The following ATAD2B variants were observed in gnomAD, a reference collection of about 807,000 sequenced individuals.
ATAD2B encodes ATPase family AAA domain containing 2B, also known as ATPase family AAA domain-containing protein 2B.
ATAD2B carries 40 observed loss-of-function variants against 167.6 expected under a neutral mutation model. The observed-to-expected ratio is 0.24, with a 90% CI of 0.19 to 0.31. The LOEUF (loss-of-function observed/expected upper bound fraction) is 0.31. Among genes scored for constraint, ATAD2B ranks in the 10% least tolerant of loss-of-function variants. The pLI, the probability that ATAD2B is intolerant of heterozygous loss-of-function variation, is 1.00. For missense variants in ATAD2B, 1,242 were observed against 1,757.2 expected (o/e 0.71, Z 5.24); for synonymous variants, 579 against 596.5 (o/e 0.97, Z 0.43).
the ATAD2B span, chr2:23,691,367 T>C: frequency 2.4e-6 from 1 of 419,128 alleles, no homozygotes; most frequent in Admixed American, 3.8e-5. Context: ...AACCGTATTG[T>C]TTCCCTTTGA....
chr2:23,769,597 A>G (rs913205452), intron 22 of ATAD2B, among the ~76,000 whole-genome samples: 2 of 152,042 alleles, frequency 1.3e-5, no homozygotes, highest in African/African-American at 4.8e-5. Context: ...GTTTCATTTT[A>G]CATTCCTACC....
Position 23,884,746 on chromosome 2 carries a change from CA to C in ATAD2B, c.784+18del. ...CTCCCACCTGAACTTTCTAGAATTCCAAAAAGTGCTTTACAAACCTTCTTCT... is the reference window on the plus strand; with the variant it reads ...CTCCCACCTGAACTTTCTAGAATTCCAAAAGTGCTTTACAAACCTTCTTCT... On this transcript the variant is annotated intron_variant, in intron 6 of 27. Transcript: ENST00000238789. 4 of 1,465,266 alleles carry C rather than the reference CA, an allele frequency of 2.7e-6. No individual in the cohort carries two copies. The highest frequency in any genetic ancestry group is 1.3e-5 in the South Asian group (1 of 76,970). The allele number at this position is 1,465,266 out of a possible 1,614,324, so 90.8% of individuals were successfully genotyped here. A position where few individuals can be genotyped will look rare whatever the true frequency, so the allele number is the denominator to read the frequency against.
intron 1 of ATAD2B, chr2:23,901,089 G>C (rs545186553): frequency 6.5e-6 from 1 of 153,990 alleles, no homozygotes; most frequent in African/African-American, 2.4e-5. Flanking sequence ...ACAAGACCAA[G>C]CAAATCCTCC....
At chr2:23,687,602 G>A in the ATAD2B span, among the ~76,000 whole-genome samples, 1 of 152,214 alleles carries the variant, frequency 6.6e-6, no homozygotes. Context: ...AAGGAGACGA[G>A]CAGAGACGAT....
chr2:23,731,813 G>A, the ATAD2B span, among the ~76,000 whole-genome samples: 1 of 151,902 alleles, frequency 6.6e-6, no homozygotes, highest in African/African-American at 2.4e-5. Context: ...CCACCTCTGT[G>A]AAAAATAAAA....
chr2:23,743,891 G>T (rs758086497), downstream of ATAD2B, among the ~76,000 whole-genome samples: 1 of 152,054 alleles, frequency 6.6e-6, no homozygotes, highest in Non-Finnish European at 1.5e-5. Context: ...CTCCCAAAAT[G>T]CTGGGAATAA....
At chr2:23,916,724 G>A (rs886453528) in intron 1 of ATAD2B, among the ~76,000 whole-genome samples, 5 of 152,134 alleles carry the variant, frequency 3.3e-5, no homozygotes, top group South Asian at 2.1e-4. Flanking sequence ...AGACAAGAAC[G>A]GGTATAAACT....
chr2:23,836,963 G>A (rs1690086570), intron 13 of ATAD2B, among the ~76,000 whole-genome samples: 1 of 152,118 alleles, frequency 6.6e-6, no homozygotes, highest in South Asian at 2.1e-4. Context: ...CCAACCTTCA[G>A]GCCCTCCCTA....
Position 23,822,842 on chromosome 2 carries a change from G to A in ATAD2B, c.2131+416C>T, listed in dbSNP as rs548825544. 6.6e-5 allele frequency among the ~76,000 whole-genome samples: 10 copies of A among 150,520 alleles called. No individual in the cohort carries two copies. The South Asian group carries it at 1.5e-3, about 22-fold the overall frequency. On this transcript the variant is annotated intron_variant, in intron 16 of 27. Coordinates refer to ENST00000238789, the MANE Select transcript of ATAD2B (RefSeq NM_017552.4). ...CTGAGGCAGGAGAATCGCTGTACCC[G>A]GGAGGCGGAGGTTGCAGTAAGCCAA...
chr2:23,699,812 C>G, the ATAD2B span, among the ~76,000 whole-genome samples: 1 of 152,198 alleles, frequency 6.6e-6, no homozygotes, highest in Admixed American at 6.5e-5. Flanking sequence ...TGCAAGGCAG[C>G]CTTTCTGGGT....
intron 22 of ATAD2B, among the ~76,000 whole-genome samples, chr2:23,773,462 C>T (rs1268380761): frequency 6.6e-6 from 1 of 152,088 alleles, no homozygotes; most frequent in East Asian, 1.9e-4. Context: ...ATGATGGCTA[C>T]AGTAAGCCAT....
chr2:23,799,139 A>G (rs72782106), intron 18 of ATAD2B, among the ~76,000 whole-genome samples: 15,602 of 152,252 alleles, frequency 0.1, 887 homozygotes, highest in Middle Eastern at 0.17. Context: ...ACATGTTAAT[A>G]GGACATTTCT....
At chr2:23,754,377 T>C (rs1485431813) in intron 26 of ATAD2B, 70 bp from the exon 27 acceptor site, 2 of 1,426,200 alleles carry the variant, frequency 1.4e-6, no homozygotes, top group Non-Finnish European at 1.9e-6. Flanking sequence ...TATATTCAAA[T>C]GGCTAGTCAA....
chr2:23,735,375 A>C, the ATAD2B span, among the ~76,000 whole-genome samples: 2 of 152,236 alleles, frequency 1.3e-5, no homozygotes, highest in African/African-American at 4.8e-5. Flanking sequence ...TGCACACCTG[A>C]ATGGAACGGT....
chr2:23,918,746 T>G (rs914891457), intron 1 of ATAD2B, among the ~76,000 whole-genome samples: 1 of 152,174 alleles, frequency 6.6e-6, no homozygotes, highest in Non-Finnish European at 1.5e-5. Context: ...AACTACTGAT[T>G]GAACAACATC....
intron 22 of ATAD2B, among the ~76,000 whole-genome samples, chr2:23,771,375 G>A (rs1184648955): frequency 6.6e-6 from 1 of 152,212 alleles, no homozygotes; most frequent in Non-Finnish European, 1.5e-5. Flanking sequence ...TCATGTTTCT[G>A]ATCTTAAGGA....
At chr2:23,893,849 A>G (rs1218169498) in intron 2 of ATAD2B, among the ~76,000 whole-genome samples, 1 of 151,666 alleles carries the variant, frequency 6.6e-6, no homozygotes, top group Non-Finnish European at 1.5e-5. Context: ...TATTTCACAG[A>G]GATGAGGTCT....
At chr2:23,814,285 T>C (rs919205044) in intron 17 of ATAD2B, among the ~76,000 whole-genome samples, 1 of 152,180 alleles carries the variant, frequency 6.6e-6, no homozygotes, top group African/African-American at 2.4e-5. Flanking sequence ...TATATAACTA[T>C]AGAATGCCTC....
intron 16 of ATAD2B, among the ~76,000 whole-genome samples, chr2:23,820,362 G>A (rs1434639219): frequency 1.3e-5 from 2 of 152,040 alleles, no homozygotes; most frequent in East Asian, 1.9e-4. Context: ...TAGTTAAGAT[G>A]GAGTCAGAAA....
Sources: gnomAD v4.1 joint callset for allele counts (sites outside exome capture counted in the v4.1 genomes callset) on GRCh38, gnomAD v4.1.1 for gene constraint, MANE v1.5 for transcripts, NCBI Gene and HGNC (gene_info 2026-07-23, HGNC 2026-07-21) for gene names.